The following GALNT18 variants were observed in gnomAD, a reference collection of about 807,000 sequenced individuals.
GALNT18 encodes GalNAc-transferase 18.
GALNT18 carries 44 observed loss-of-function variants against 69.5 expected under a neutral mutation model. The observed-to-expected ratio is 0.63, with a 90% CI of 0.50 to 0.81. GALNT18 has a LOEUF of 0.81. Among genes scored for constraint, GALNT18 ranks in the 40% least tolerant of loss-of-function variants. The probability of loss-of-function intolerance (pLI) is 0.00; values close to 1 mark genes in which losing one functional copy is unlikely to be tolerated. For missense variants in GALNT18, 715 were observed against 810.0 expected (o/e 0.88, Z 1.42); for synonymous variants, 364 against 318.2 (o/e 1.14, Z -1.53).
At chr11:11,397,490 G>A (rs1854361219) in intron 3 of GALNT18, among the ~76,000 whole-genome samples, 1 of 152,090 alleles carries the variant, frequency 6.6e-6, no homozygotes, top group African/African-American at 2.4e-5. Flanking sequence ...TTTGAGACAG[G>A]GTTCACTCTG....
chr11:11,426,930 C>T lies in GALNT18; in HGVS notation c.595+5691G>A, dbSNP rs187111538. 7.6e-4 allele frequency among the ~76,000 whole-genome samples: 115 copies of T among 152,272 alleles called. 5 individuals are homozygous for T. The highest frequency in any genetic ancestry group is 2.6e-3 in the African/African-American group (109 of 41,550). ...CAGTGGCATGCCTGGTATGAATCTCCATATTATTCAAAAAATAAAATTTTA... is the reference window on the plus strand; with the variant it reads ...CAGTGGCATGCCTGGTATGAATCTCTATATTATTCAAAAAATAAAATTTTA... On this transcript the variant is annotated intron_variant, in intron 3 of 10. Coordinates refer to ENST00000227756, the MANE Select transcript of GALNT18 (RefSeq NM_198516.3).
chr11:11,417,447 T>A (rs1329757504), intron 3 of GALNT18, among the ~76,000 whole-genome samples: 1 of 152,136 alleles, frequency 6.6e-6, no homozygotes, highest in Non-Finnish European at 1.5e-5. Flanking sequence ...CTTCTGCTTC[T>A]CAAAGTGGGA....
At chr11:11,285,429 G>C (rs762009209) in intron 10 of GALNT18, among the ~76,000 whole-genome samples, 1 of 152,132 alleles carries the variant, frequency 6.6e-6, no homozygotes, top group Non-Finnish European at 1.5e-5. Flanking sequence ...ATAAATGTTT[G>C]AGCAATACAT....
chr11:11,591,038 CAGA>C lies in GALNT18; in HGVS notation c.235+30318_235+30320del. Among the ~76,000 whole-genome samples the C allele has an allele frequency of 1.3e-5, 2 of 151,888 alleles. No homozygotes were observed. Among genetic ancestry groups the C allele is most frequent in the South Asian group, 4.2e-4 (2 of 4,802 alleles). ...CAGGTAGGTCCTTCCTGAGATATTC[CAGA>C]AGAAGGCATTATCATCATAGCAGAT... On this transcript the variant is annotated intron_variant, in intron 1 of 10. Transcript: ENST00000227756. The surrounding 1 kb of genome is among the most constrained non-coding windows in gnomAD (Gnocchi z 4.8).
chr11:11,398,728 A>C (rs571279585), intron 3 of GALNT18, among the ~76,000 whole-genome samples: 1 of 152,356 alleles, frequency 6.6e-6, no homozygotes, highest in African/African-American at 2.4e-5. Flanking sequence ...TTGGAAAACC[A>C]GATGGACGCA....
chr11:11,608,935 A>G (rs917351937), intron 1 of GALNT18, among the ~76,000 whole-genome samples: 2 of 152,200 alleles, frequency 1.3e-5, no homozygotes, highest in African/African-American at 4.8e-5. Context: ...TCCTCCATGA[A>G]GTCTATTCTG....
chr11:11,445,263 C>A (rs1299098554), intron 2 of GALNT18, among the ~76,000 whole-genome samples: 1 of 152,186 alleles, frequency 6.6e-6, no homozygotes, highest in African/African-American at 2.4e-5. Flanking sequence ...GATATCATCT[C>A]CCCATGCCTC....
In GALNT18 at chr11:11,347,072, C is replaced by T. The variant is rs1388866634; in HGVS notation, c.1093-6068G>A. ...ATCCCAGGCTGAGGAGCCACTGGTA[C>T]AAGGTCAGGGTTACATCTTGTATTG... is the stretch of plus-strand genomic sequence containing the variant. On this transcript the variant is annotated intron_variant, in intron 6 of 10. Transcript: ENST00000227756. The surrounding 1 kb of genome is among the most constrained non-coding windows in gnomAD (Gnocchi z 4.0). 6.6e-6 allele frequency among the ~76,000 whole-genome samples: 1 copy of T among 152,158 alleles called. No homozygotes were observed. The highest frequency in any genetic ancestry group is 2.4e-5 in the African/African-American group (1 of 41,444).
At chr11:11,329,170 G>A (rs1849977000) in intron 8 of GALNT18, among the ~76,000 whole-genome samples, 1 of 152,198 alleles carries the variant, frequency 6.6e-6, no homozygotes, top group African/African-American at 2.4e-5. Context: ...TGAGGATTAA[G>A]TGAAACAATG....
intron 9 of GALNT18, among the ~76,000 whole-genome samples, chr11:11,316,968 G>C (rs1271174754): frequency 1.3e-5 from 2 of 152,200 alleles, no homozygotes; most frequent in African/African-American, 4.8e-5. Context: ...ATGAGCAAAT[G>C]AATGAGTGAT....
At chr11:11,550,075 G>A (rs1212921743) in intron 1 of GALNT18, among the ~76,000 whole-genome samples, 1 of 152,216 alleles carries the variant, frequency 6.6e-6, no homozygotes, top group Admixed American at 6.5e-5. Flanking sequence ...CAGCCCTAGA[G>A]AGCAGAGAAT....
chr11:11,517,700 G>C (rs964937993), intron 1 of GALNT18, among the ~76,000 whole-genome samples: 1 of 151,856 alleles, frequency 6.6e-6, no homozygotes, highest in East Asian at 1.9e-4. Context: ...GCAGAAACAG[G>C]GCCCCTGCCA....
rs976243388 is a variant in GALNT18, at chr11:11,444,124, G to A, written c.428+4620C>T. ...TAAAACAACTCTCCCCAGGGAAGCCGGCACAGGGAGGTGCCTTGCAGATGC... is the reference window on the plus strand; with the variant it reads ...TAAAACAACTCTCCCCAGGGAAGCCAGCACAGGGAGGTGCCTTGCAGATGC... On this transcript the variant is annotated intron_variant, in intron 2 of 10. Transcript: ENST00000227756. The surrounding 1 kb of genome is among the most constrained non-coding windows in gnomAD (Gnocchi z 4.4). Among the ~76,000 whole-genome samples, 3 of 152,094 alleles carry A rather than the reference G, an allele frequency of 2.0e-5. No homozygotes were observed. The highest frequency in any genetic ancestry group is 4.4e-5 in the Non-Finnish European group (3 of 68,030).
At chr11:11,548,332 T>C (rs1321576340) in intron 1 of GALNT18, among the ~76,000 whole-genome samples, 1 of 152,014 alleles carries the variant, frequency 6.6e-6, no homozygotes, top group East Asian at 1.9e-4. Flanking sequence ...GAGACTGCAG[T>C]AGGTAGAAAA....
rs768455366 is a variant in GALNT18 at position 11,448,696 on chromosome 11, T to C, written c.428+48A>G. 6 of 1,503,900 alleles carry C rather than the reference T, an allele frequency of 4.0e-6. No homozygotes were observed. The East Asian group carries it at 1.1e-4, about 29-fold the overall frequency. The allele number at this position is 1,503,900 out of a possible 1,614,324, so 93.2% of individuals were successfully genotyped here. ...TGTTCCCAGCACTCTGGGGACCCCA[T>C]CTCCCCATAGGCAGGTCGACAAGGG... is the stretch of plus-strand genomic sequence containing the variant. On this transcript the variant is annotated intron_variant, in intron 2 of 10. Transcript: ENST00000227756.
rs973933991 is a variant in GALNT18, at chr11:11,483,990, C to T, written c.236-35054G>A. Among the ~76,000 whole-genome samples, 7 of 152,036 alleles carry T rather than the reference C, an allele frequency of 4.6e-5. No individual in the cohort carries two copies. In the East Asian group the frequency reaches 1.4e-3, roughly 29 times the overall value. On this transcript the variant is annotated intron_variant, in intron 1 of 10. Transcript: ENST00000227756. ...AGTTCCATCGTGGGACATGGGGGTC[C>T]AATGTGTAACCCCCTCCCCGGAAGG...
Position 11,341,099 on chromosome 11 carries a change from T to C in GALNT18, c.1093-95A>G. On this transcript the variant is annotated intron_variant, in intron 6 of 10. Coordinates refer to ENST00000227756, the MANE Select transcript of GALNT18 (RefSeq NM_198516.3). This position sits in a 1 kb window ranked among gnomAD's most constrained non-coding sequence, Gnocchi z 6.3. ...CCACTTGACATGAGCAGGAAGAAAG[T>C]CAGCCCCTTCACCTTGACTCCCCAG... The C allele has an allele frequency of 8.3e-7, 1 of 1,197,810 alleles. No individual in the cohort carries two copies. Among genetic ancestry groups the C allele is most frequent in the Non-Finnish European group, 1.2e-6 (1 of 854,696 alleles). The allele number at this position is 1,197,810 out of a possible 1,614,324, so 74.2% of individuals were successfully genotyped here. A position where few individuals can be genotyped will look rare whatever the true frequency, so the allele number is the denominator to read the frequency against.
intron 3 of GALNT18, among the ~76,000 whole-genome samples, chr11:11,403,827 A>T (rs964970866): frequency 6.6e-6 from 1 of 152,206 alleles, no homozygotes; most frequent in African/African-American, 2.4e-5. Flanking sequence ...TGTGGGCTGT[A>T]GGACACAGTG....
chr11:11,372,562 C>T lies in GALNT18; in HGVS notation c.1045G>A (p.Glu349Lys), dbSNP rs771768066. 6.2e-6 allele frequency: 10 copies of T among 1,614,100 alleles called. No homozygotes were observed. Among genetic ancestry groups the T allele is most frequent in the Admixed American group, 1.7e-5 (1 of 60,012 alleles). Residue 349 changes from glutamate to lysine, a missense_variant, in exon 6 of 11, where the codon GAA (glutamate) becomes AAA (lysine). Coordinates refer to ENST00000227756, the MANE Select transcript of GALNT18 (RefSeq NM_198516.3). The surrounding 1 kb of genome is among the most constrained non-coding windows in gnomAD (Gnocchi z 4.9). ...TCGCCCCCGTAGACTTCCATGCCTT[C>T]GTCCAGCAGGCCGATCTCCTGGAAG... ...QYFQEIGLLDEGMEVYGGENV... is the reference protein window; with the variant it reads ...QYFQEIGLLDKGMEVYGGENV...
Sources: allele counts gnomAD v4.1 joint callset (sites outside exome capture counted in the v4.1 genomes callset), GRCh38; gene constraint gnomAD v4.1.1; non-coding constraint Gnocchi (gnomAD v3.1); transcripts MANE v1.5; gene names NCBI Gene and HGNC (gene_info 2026-07-23, HGNC 2026-07-21).